Variants in HEPH observed in about 807,000 individuals in gnomAD.
HEPH encodes hephaestin.
In HEPH, 69 loss-of-function variants were observed where a neutral mutation model predicts 80.8. The ratio of observed to expected loss-of-function variants is 0.85; its 90% CI spans 0.70 to 1.04. The LOEUF is 1.04. Ranked by LOEUF, HEPH falls within the 50% of genes least tolerant of loss-of-function variation. HEPH has a pLI of 0.00. For synonymous variants in HEPH, 431 were observed against 322.8 expected (o/e 1.34, Z -3.60); for missense variants, 1,115 against 891.3 (o/e 1.25, Z -3.20).
rs376130905 is a variant in HEPH at position 66,172,549 on chromosome X, G to A, written c.362G>A (p.Arg121His). 50 of 1,200,639 alleles carry A rather than the reference G, an allele frequency of 4.2e-5. No homozygotes were observed. Among genetic ancestry groups the A allele is most frequent in the Admixed American group, 3.1e-4 (14 of 45,034 alleles). ...ATTCACCTGAAGAATTTTGCCACTC[G>A]TCCCTATACCATCCACCCTCATGGT... ...ILIHLKNFAT[R>H]PYTIHPHGVF... is the part of the protein sequence containing the mutation. The change falls in exon 3 of 21, where the codon CGT becomes CAT. Residue 121 changes from arginine (R) to histidine (H), a missense_variant. Arg to His is a conservative substitution (Grantham distance 29). Coordinates refer to ENST00000343002, the MANE Select transcript of HEPH (RefSeq NM_001367233.3).
In HEPH at chrX:66,164,271, A is replaced by G. The variant is rs2086268585; in HGVS notation, c.-213A>G. On this transcript the variant is annotated 5_prime_UTR_variant, in exon 1 of 21. Transcript: ENST00000343002. ...CATTCCAGTAGTTTTGTTTCTGGAA[A>G]AGAGGGCACCCAGCCCTTCCCCCTC... The G allele has an allele frequency of 2.7e-6, 2 of 751,218 alleles. No individual in the cohort carries two copies. The highest frequency in any genetic ancestry group is 3.1e-6 in the Non-Finnish European group (2 of 638,138). The allele number at this position is 751,218 out of a possible 1,213,427, so 61.9% of individuals were successfully genotyped here.
intron 8 of HEPH, among the ~76,000 whole-genome samples, chrX:66,194,422 G>A (rs1286693389): frequency 1.8e-5 from 2 of 111,320 alleles, no homozygotes; most frequent in East Asian, 2.8e-4. Flanking sequence ...TGTGGAAATT[G>A]AATAGGAAAC....
At chrX:66,171,959 C>T (rs959432704) in intron 2 of HEPH, among the ~76,000 whole-genome samples, 1 of 111,978 alleles carries the variant, frequency 8.9e-6, no homozygotes, top group African/African-American at 3.2e-5. Flanking sequence ...ATCCAAGTGG[C>T]TTGGCTCCAA....
At position 66,222,057 on chromosome X, in the gene HEPH, A is replaced by G. The variant is rs772155209; in HGVS notation, c.2563+13811A>G. Among the ~76,000 whole-genome samples, 9 of 113,052 alleles carry G rather than the reference A, an allele frequency of 8.0e-5. No individual in the cohort carries two copies. The East Asian group carries it at 2.5e-3, about 32-fold the overall frequency. The stretch of plus-strand genomic sequence containing the variant: ...TTGGCAGAGTGCCCAGTGAAGGTCT[A>G]CCACAATACCACCACACATCTGCTC... On this transcript the variant is annotated intron_variant, in intron 15 of 20. Coordinates refer to ENST00000343002, the MANE Select transcript of HEPH (RefSeq NM_001367233.3).
intron 1 of HEPH, among the ~76,000 whole-genome samples, chrX:66,166,805 G>C (rs1175469718): frequency 2.7e-5 from 3 of 111,979 alleles, no homozygotes; most frequent in Non-Finnish European, 5.6e-5. Context: ...AGCTTGGGCT[G>C]TGTGCATTTT....
chrX:66,193,760 C>T (rs2087938787), intron 8 of HEPH, 122 bp downstream of exon 8: 1 of 430,462 alleles, frequency 2.3e-6, no homozygotes, highest in Non-Finnish European at 3.8e-6. Flanking sequence ...CAAAGTGAGT[C>T]TTATGAGATG....
chrX:66,177,252 A>C (rs1025278679), intron 4 of HEPH, among the ~76,000 whole-genome samples: 1 of 111,898 alleles, frequency 8.9e-6, no homozygotes, highest in Non-Finnish European at 1.9e-5. Flanking sequence ...TGAATTAAGG[A>C]GGGTTTCCTC....
chrX:66,266,869 TTGCTC>T lies in HEPH; in HGVS notation c.*199_*203del, dbSNP rs2091556445. 2 of 414,303 alleles carry T rather than the reference TTGCTC, an allele frequency of 4.8e-6. No individual in the cohort carries two copies. The highest frequency in any genetic ancestry group is 8.8e-5 in the Admixed American group (2 of 22,740). The allele number at this position is 414,303 out of a possible 1,213,427, so 34.1% of individuals were successfully genotyped here. A position where few individuals can be genotyped will look rare whatever the true frequency, so the allele number is the denominator to read the frequency against. ...TGATTTCACTTTTTCTTTAGTTTCT[TTGCTC>T]TACGTGGGCACCTGGCACTAAGGGA... On this transcript the variant is annotated 3_prime_UTR_variant, in exon 21 of 21. Transcript: ENST00000343002.
chrX:66,221,537 C>T (rs775638771), intron 15 of HEPH, among the ~76,000 whole-genome samples: 2 of 112,547 alleles, frequency 1.8e-5, no homozygotes, highest in South Asian at 7.4e-4. Context: ...CTGCCAGGGC[C>T]CTTAGACATG....
At chrX:66,172,688 G>T (rs922162370) in intron 3 of HEPH, 89 bp downstream of exon 3, 1 of 972,953 alleles carries the variant, frequency 1.0e-6, no homozygotes, top group Non-Finnish European at 1.4e-6. Flanking sequence ...TGGTAGTGAA[G>T]ATTTTCTTTT....
At chrX:66,251,095 C>T in intron 15 of HEPH, among the ~76,000 whole-genome samples, 1 of 112,015 alleles carries the variant, frequency 8.9e-6, no homozygotes, top group Non-Finnish European at 1.9e-5. Flanking sequence ...GTTAGCCAGG[C>T]TGGTCTCAAA....
chrX:66,222,837 A>G (rs1440782344), intron 15 of HEPH, among the ~76,000 whole-genome samples: 2 of 112,372 alleles, frequency 1.8e-5, no homozygotes, highest in Middle Eastern at 4.6e-3. Flanking sequence ...ATTAAATACA[A>G]TAGTTTGAGG....
intron 15 of HEPH, among the ~76,000 whole-genome samples, chrX:66,252,368 G>A (rs1243028681): frequency 3.6e-5 from 4 of 111,736 alleles, no homozygotes; most frequent in Admixed American, 9.5e-5. Flanking sequence ...AGAAGTTCAT[G>A]TAAACAGAAC....
At chrX:66,266,346 G>A (rs2091535135) in intron 20 of HEPH, 94 bp from the exon 21 acceptor site, 1 of 621,382 alleles carries the variant, frequency 1.6e-6, no homozygotes, top group Non-Finnish European at 2.6e-6. Context: ...GTCCTATTTG[G>A]ATTGACTTGT....
chrX:66,233,883 G>T (rs2090254367), intron 15 of HEPH, among the ~76,000 whole-genome samples: 1 of 110,770 alleles, frequency 9.0e-6, no homozygotes, highest in African/African-American at 3.3e-5. Flanking sequence ...TTATTTTTAT[G>T]TATTTATTTA....
At chrX:66,204,936 A>G (rs2088681619) in intron 13 of HEPH, among the ~76,000 whole-genome samples, 1 of 112,052 alleles carries the variant, frequency 8.9e-6, no homozygotes, top group Admixed American at 9.5e-5. Flanking sequence ...GACTTTTATT[A>G]TAGATTCAGG....
At chrX:66,235,474 C>T (rs1183001625) in intron 15 of HEPH, among the ~76,000 whole-genome samples, 1 of 96,530 alleles carries the variant, frequency 1.0e-5, no homozygotes, top group African/African-American at 4.6e-5. Flanking sequence ...TTCCCCACTG[C>T]CTGTTTCATT....
chrX:66,244,870 G>A (rs1238427776), intron 15 of HEPH, among the ~76,000 whole-genome samples: 1 of 106,590 alleles, frequency 9.4e-6, no homozygotes, highest in Non-Finnish European at 1.9e-5. Context: ...ATTTGATTGT[G>A]GTGCAAGGTG....
At chrX:66,230,987 C>G (rs1213244122) in intron 15 of HEPH, among the ~76,000 whole-genome samples, 1 of 107,620 alleles carries the variant, frequency 9.3e-6, no homozygotes, top group Non-Finnish European at 1.9e-5. Context: ...TTTCAGCTTT[C>G]TACATATGGC....
Sources: allele counts gnomAD v4.1 joint callset (sites outside exome capture counted in the v4.1 genomes callset), GRCh38; gene constraint gnomAD v4.1.1; transcripts MANE v1.5; gene names NCBI Gene and HGNC (gene_info 2026-07-23, HGNC 2026-07-21).